Variants in PXDNL observed in about 807,000 individuals in gnomAD.
PXDNL encodes peroxidasin like.
Under a neutral mutation model 150.8 loss-of-function variants are expected in PXDNL, and 145 were observed. The observed-to-expected ratio is 0.96, with a 90% CI of 0.84 to 1.10. PXDNL has a LOEUF of 1.10. Ranked by LOEUF, PXDNL falls within the 50% of genes least tolerant of loss-of-function variation. PXDNL has a pLI of 0.00. For missense variants in PXDNL, 2,087 were observed against 1,873.9 expected (o/e 1.11, Z -2.10); for synonymous variants, 757 against 725.7 (o/e 1.04, Z -0.69).
chr8:51,776,607 C>T (rs562482764), intron 1 of PXDNL, among the ~76,000 whole-genome samples: 2 of 152,266 alleles, frequency 1.3e-5, no homozygotes, highest in South Asian at 2.1e-4. Flanking sequence ...CTCAATGAGG[C>T]CTTGACCTGG....
intron 1 of PXDNL, among the ~76,000 whole-genome samples, chr8:51,673,785 G>A (rs1354163856): frequency 6.6e-6 from 1 of 152,162 alleles, no homozygotes; most frequent in East Asian, 1.9e-4. Flanking sequence ...AGTTAAATAT[G>A]GAGATGATGA....
At chr8:51,472,099 C>A (rs1035670591) in intron 8 of PXDNL, 88 bp downstream of exon 8, 19 of 785,448 alleles carry the variant, frequency 2.4e-5, no homozygotes, top group Non-Finnish European at 3.3e-5. Flanking sequence ...TTAGTAATTT[C>A]TTCTCTAGAT....
At chr8:51,366,708 G>A (rs1806929938) in intron 19 of PXDNL, among the ~76,000 whole-genome samples, 1 of 152,230 alleles carries the variant, frequency 6.6e-6, no homozygotes, top group South Asian at 2.1e-4. Context: ...GGACCTGACA[G>A]TGGGCAGTGC....
chr8:51,505,982 T>G (rs1281998864), intron 4 of PXDNL, among the ~76,000 whole-genome samples: 1 of 152,214 alleles, frequency 6.6e-6, no homozygotes. Context: ...ATTAAACATC[T>G]GAATGAAGAT....
chr8:51,507,300 C>A (rs1811316661), intron 4 of PXDNL, among the ~76,000 whole-genome samples: 1 of 152,150 alleles, frequency 6.6e-6, no homozygotes. Context: ...CTTTTGTGGA[C>A]AAACAGTACT....
chr8:51,558,951 C>T (rs1188274803), intron 3 of PXDNL, among the ~76,000 whole-genome samples: 1 of 151,948 alleles, frequency 6.6e-6, no homozygotes. Flanking sequence ...ATTCTTCCCC[C>T]CAATGAGTTC....
At chr8:51,643,468 G>A (rs1265413256) in intron 2 of PXDNL, among the ~76,000 whole-genome samples, 3 of 152,198 alleles carry the variant, frequency 2.0e-5, no homozygotes, top group Non-Finnish European at 2.9e-5. Flanking sequence ...AATAAATGGT[G>A]TTGGGAAAAC....
At chr8:51,749,875 AT>A (rs1308271030) in intron 1 of PXDNL, among the ~76,000 whole-genome samples, 1 of 151,840 alleles carries the variant, frequency 6.6e-6, no homozygotes, top group Non-Finnish European at 1.5e-5. Flanking sequence ...TAATTTTTGT[AT>A]TTTTAGTAGA....
At chr8:51,430,091 C>T (rs1224125042) in intron 12 of PXDNL, among the ~76,000 whole-genome samples, 1 of 152,134 alleles carries the variant, frequency 6.6e-6, no homozygotes, top group African/African-American at 2.4e-5. Flanking sequence ...TGTCCTTTAT[C>T]GCCAGCTGCT....
At chr8:51,534,387 A>G (rs1201985387) in intron 4 of PXDNL, among the ~76,000 whole-genome samples, 1 of 117,588 alleles carries the variant, frequency 8.5e-6, no homozygotes, top group African/African-American at 3.3e-5. Flanking sequence ...CCAGCCGCCC[A>G]GTCCGGGAGG....
intron 21 of PXDNL, among the ~76,000 whole-genome samples, chr8:51,339,326 G>T (rs1805921311): frequency 6.6e-6 from 1 of 152,190 alleles, no homozygotes; most frequent in Non-Finnish European, 1.5e-5. Context: ...TGGGTGTAGT[G>T]ACGGACGCCT....
In PXDNL at chr8:51,672,870, G is replaced by A. The variant is rs147170046; in HGVS notation, c.165-18110C>T. Among the ~76,000 whole-genome samples the A allele has an allele frequency of 9.9e-4, 151 of 152,154 alleles. 1 individual carries two copies. The highest frequency in any genetic ancestry group is 3.4e-3 in the African/African-American group (142 of 41,560). The stretch of plus-strand genomic sequence containing the variant: ...TAGGATACTGTATTATCAGACTATA[G>A]AAGAAAATTCACCAATTTTAAGAAA... On this transcript the variant is annotated intron_variant, in intron 1 of 22. Transcript: ENST00000356297.
chr8:51,408,039 T>G, intron 17 of PXDNL, 28 bp downstream of exon 17: 1 of 1,559,810 alleles, frequency 6.4e-7, no homozygotes, highest in South Asian at 1.2e-5. Context: ...AAGAAATGTT[T>G]AAATCCAGGC....
intron 19 of PXDNL, among the ~76,000 whole-genome samples, chr8:51,357,047 C>T (rs551267169): frequency 1.3e-5 from 2 of 152,250 alleles, no homozygotes; most frequent in South Asian, 2.1e-4. Flanking sequence ...GTTGTTTTGA[C>T]ATAATTTGGA....
intron 2 of PXDNL, among the ~76,000 whole-genome samples, chr8:51,607,369 C>A (rs952062746): frequency 1.3e-5 from 2 of 152,118 alleles, no homozygotes; most frequent in African/African-American, 4.8e-5. Context: ...GCCTTCAATC[C>A]CTGATGTTCA....
At chr8:51,609,192 A>T (rs1029341122) in intron 2 of PXDNL, among the ~76,000 whole-genome samples, 1 of 152,254 alleles carries the variant, frequency 6.6e-6, no homozygotes, top group Non-Finnish European at 1.5e-5. Context: ...CTTCTTGATT[A>T]CTTACTATTT....
At chr8:51,358,664 G>A (rs548888814) in intron 19 of PXDNL, among the ~76,000 whole-genome samples, 148 of 152,196 alleles carry the variant, frequency 9.7e-4, no homozygotes, top group Non-Finnish European at 1.5e-3. Flanking sequence ...ATCACAGGAC[G>A]CTCATTGCAG....
intron 3 of PXDNL, among the ~76,000 whole-genome samples, chr8:51,559,330 A>ACCCCCCCCCCCCCC (rs59230172): frequency 1.0e-5 from 1 of 98,146 alleles, no homozygotes; most frequent in Non-Finnish European, 2.4e-5. Context: ...TTTCTTCCAA[A>ACCCCCCCCCCCCCC]CCCCCCCCCC....
At chr8:51,632,719 G>C (rs1194126922) in intron 2 of PXDNL, among the ~76,000 whole-genome samples, 4 of 152,118 alleles carry the variant, frequency 2.6e-5, no homozygotes, top group Non-Finnish European at 5.9e-5. Flanking sequence ...CAAACCATAA[G>C]TAAGTCCAAA....
Sources: gnomAD v4.1 joint callset for allele counts (sites outside exome capture counted in the v4.1 genomes callset) on GRCh38, gnomAD v4.1.1 for gene constraint, MANE v1.5 for transcripts, NCBI Gene and HGNC (gene_info 2026-07-23, HGNC 2026-07-21) for gene names.